The following ARHGAP35 variants were observed in gnomAD, a reference collection of about 807,000 sequenced individuals.
ARHGAP35 encodes rho GTPase-activating protein 35.
Under a neutral mutation model 111.1 loss-of-function variants are expected in ARHGAP35, and 15 were observed. The ratio of observed to expected loss-of-function variants is 0.13; its 90% CI spans 0.09 to 0.21. The LOEUF (loss-of-function observed/expected upper bound fraction) is 0.21, where lower values mean the gene tolerates loss of function less well. Among genes scored for constraint, ARHGAP35 ranks in the 10% least tolerant of loss-of-function variants. ARHGAP35 has a pLI of 1.00. For synonymous variants in ARHGAP35, 643 were observed against 710.3 expected, an observed-to-expected ratio of 0.91 and a Z score of 1.51; for missense variants, 1,262 against 1,873.0, an observed-to-expected ratio of 0.67 and a Z score of 6.02.
In ARHGAP35 at chr19:46,921,550, G is replaced by A. The variant is rs754137647; in HGVS notation, c.2875G>A (p.Glu959Lys). The change falls in exon 2 of 7, where the codon GAG becomes AAG. Residue 959 changes from glutamate to lysine, a missense_variant. Coordinates refer to ENST00000672722, the MANE Select transcript of ARHGAP35 (RefSeq NM_004491.5). This position sits in a 1 kb window ranked among gnomAD's most constrained non-coding sequence, Gnocchi z 4.3. The stretch of plus-strand genomic sequence containing the variant: ...TACTCATATGTACGATAATGCTGCC[G>A]AGGCCTGTAGCACCACCGAAGAGGT... Reference protein sequence around the residue: ...EATHMYDNAAEACSTTEEVFN... With the variant: ...EATHMYDNAAKACSTTEEVFN... 7 of 1,613,916 alleles carry A rather than the reference G, an allele frequency of 4.3e-6. No homozygotes were observed. Among genetic ancestry groups the A allele is most frequent in the Admixed American group, 3.3e-5 (2 of 60,016 alleles).
Position 47,001,362 on chromosome 19 carries a change from CAAAG to C in ARHGAP35, c.*675_*678del, listed in dbSNP as rs1435497243. ...CCTTCCCGAAACATTCCCTGGCAAA[CAAAG>C]GAACACTAGGAGAAAAAATGGAAAA... On this transcript the variant is annotated 3_prime_UTR_variant, in exon 7 of 7. Transcript: ENST00000672722. The surrounding 1 kb of genome is among the most constrained non-coding windows in gnomAD (Gnocchi z 5.4). The C allele has an allele frequency of 7.8e-7, 1 of 1,290,084 alleles. No homozygotes were observed. The highest frequency in any genetic ancestry group is 1.2e-5 in the South Asian group (1 of 81,032). 79.9% of individuals were successfully genotyped at this position (1,290,084 alleles called of 1,614,324 possible).
At chr19:46,861,891 A>C (rs1050485647) in intron 1 of ARHGAP35, among the ~76,000 whole-genome samples, 14 of 147,472 alleles carry the variant, frequency 9.5e-5, no homozygotes, top group African/African-American at 3.6e-4. Context: ...CCTTGGACTG[A>C]ATCCCGTTCC....
intron 1 of ARHGAP35, among the ~76,000 whole-genome samples, chr19:46,865,262 A>G (rs568148172): frequency 2.0e-5 from 3 of 152,302 alleles, no homozygotes; most frequent in African/African-American, 7.2e-5. Context: ...ACATGTTTTC[A>G]AGGGCTCTTG....
In ARHGAP35 at chr19:46,999,798, A is replaced by C. The variant is rs578239037; in HGVS notation, c.4142+389A>C. 10 of 230,118 alleles carry C rather than the reference A, an allele frequency of 4.3e-5. No homozygotes were observed. The South Asian group carries it at 1.1e-3, about 24-fold the overall frequency. 14.3% of individuals were successfully genotyped at this position (230,118 alleles called of 1,614,324 possible). A position where few individuals can be genotyped will look rare whatever the true frequency, so the allele number is the denominator to read the frequency against. On this transcript the variant is annotated intron_variant, in intron 6 of 6. Transcript: ENST00000672722. The surrounding 1 kb of genome is among the most constrained non-coding windows in gnomAD (Gnocchi z 5.4). ...ATCAAAAACACCTCAGAGTCCCTGA[A>C]AGTCCTCTCACAGCATTCACGTTCC...
chr19:46,974,763 C>A (rs2122301863), intron 3 of ARHGAP35, among the ~76,000 whole-genome samples: 1 of 152,220 alleles, frequency 6.6e-6, no homozygotes. Flanking sequence ...GCTGACAGTT[C>A]CAACCCTCTA....
chr19:46,952,633 C>G (rs998877676), intron 3 of ARHGAP35, among the ~76,000 whole-genome samples: 1 of 152,172 alleles, frequency 6.6e-6, no homozygotes. Context: ...TAATAATGCC[C>G]ACCTTATTAG....
At position 46,995,877 on chromosome 19, in the gene ARHGAP35, G is replaced by T. The variant is rs188822473; in HGVS notation, c.4037-3427G>T. Among the ~76,000 whole-genome samples the T allele has an allele frequency of 4.6e-4, 70 of 152,338 alleles. 1 individual carries two copies. Among genetic ancestry groups the T allele is most frequent in the Admixed American group, 2.8e-3 (43 of 15,306 alleles). On this transcript the variant is annotated intron_variant, in intron 5 of 6. Transcript: ENST00000672722. Reference sequence around the variant, plus strand: ...GGGCTGAGTCAAAGGATGTTCACAAGGTCGACCTTGCTTTTAGTGTGGGCC... The same window carrying T: ...GGGCTGAGTCAAAGGATGTTCACAATGTCGACCTTGCTTTTAGTGTGGGCC...
At chr19:46,923,953 G>GTA (rs2056223935) in intron 2 of ARHGAP35, among the ~76,000 whole-genome samples, 2 of 150,936 alleles carry the variant, frequency 1.3e-5, no homozygotes, top group African/African-American at 4.9e-5. Flanking sequence ...AAAAAAATGT[G>GTA]TATATATATA....
At chr19:46,888,260 TAATATATA>T (rs2056003071) in intron 1 of ARHGAP35, among the ~76,000 whole-genome samples, 4 of 53,090 alleles carry the variant, frequency 7.5e-5, no homozygotes, top group Admixed American at 6.1e-4. Context: ...CCTCAATCAA[TAATATATA>T]TATATATATA....
intron 5 of ARHGAP35, among the ~76,000 whole-genome samples, chr19:46,998,050 C>T (rs148776997): frequency 2.6e-5 from 4 of 151,678 alleles, no homozygotes; most frequent in South Asian, 2.1e-4. Context: ...TGCAGTGAGC[C>T]GACATCGCAC....
intron 3 of ARHGAP35, among the ~76,000 whole-genome samples, chr19:46,954,949 G>T (rs1240762021): frequency 6.6e-6 from 1 of 152,144 alleles, no homozygotes; most frequent in Middle Eastern, 3.2e-3. Flanking sequence ...CTGGGGCTGG[G>T]CTATCTGTGG....
chr19:46,893,410 G>A (rs2056036085), intron 1 of ARHGAP35, among the ~76,000 whole-genome samples: 2 of 152,038 alleles, frequency 1.3e-5, no homozygotes, highest in Non-Finnish European at 2.9e-5. Context: ...GAATATAGTA[G>A]GTTGCCACCA....
rs888449332 is a variant in ARHGAP35 at position 46,901,570 on chromosome 19, A to G, written c.-188-16918A>G. ...TTAGACTCTGTCTCACACAAAAAAA[A>G]TGATCAAATCTGTTCTTTAAAAGAT... On this transcript the variant is annotated intron_variant, in intron 1 of 6. Transcript: ENST00000672722. This position sits in a 1 kb window ranked among gnomAD's most constrained non-coding sequence, Gnocchi z 4.5. 3.3e-5 allele frequency among the ~76,000 whole-genome samples: 5 copies of G among 152,210 alleles called. No individual in the cohort carries two copies. The highest frequency in any genetic ancestry group is 7.3e-5 in the Non-Finnish European group (5 of 68,028).
intron 1 of ARHGAP35, among the ~76,000 whole-genome samples, chr19:46,898,905 T>G (rs1295138614): frequency 1.1e-4 from 16 of 152,112 alleles, no homozygotes; most frequent in Non-Finnish European, 2.4e-4. Flanking sequence ...GCCTGCATTC[T>G]TCCATAGTTG....
intron 1 of ARHGAP35, among the ~76,000 whole-genome samples, chr19:46,886,448 T>C (rs532390164): frequency 2.0e-5 from 3 of 152,294 alleles, no homozygotes; most frequent in African/African-American, 7.2e-5. Flanking sequence ...CTGTGCTCTT[T>C]ATGTATTTGT....
intron 3 of ARHGAP35, chr19:46,947,657 G>T (rs750208420): frequency 6.6e-6 from 1 of 152,066 alleles, no homozygotes; most frequent in Non-Finnish European, 1.5e-5. Flanking sequence ...GGTGTCCTCC[G>T]GTTCAATTCC....
chr19:46,959,066 C>CT (rs1442659611), intron 3 of ARHGAP35, among the ~76,000 whole-genome samples: 3 of 151,992 alleles, frequency 2.0e-5, no homozygotes, highest in Middle Eastern at 3.2e-3. Context: ...GGAAAATCTC[C>CT]TTTTTTAAAA....
intron 3 of ARHGAP35, among the ~76,000 whole-genome samples, chr19:46,944,855 C>T (rs977884728): frequency 6.6e-6 from 1 of 152,176 alleles, no homozygotes; most frequent in Non-Finnish European, 1.5e-5. Context: ...CAGGTTAGCT[C>T]CTACATTGTG....
chr19:46,966,032 A>C (rs2056513288), intron 3 of ARHGAP35, among the ~76,000 whole-genome samples: 1 of 152,120 alleles, frequency 6.6e-6, no homozygotes, highest in Non-Finnish European at 1.5e-5. Context: ...GGAAACCCTC[A>C]GTCTCCCCAG....
Sources: allele counts gnomAD v4.1 joint callset (sites outside exome capture counted in the v4.1 genomes callset), GRCh38; gene constraint gnomAD v4.1.1; non-coding constraint Gnocchi (gnomAD v3.1); transcripts MANE v1.5; gene names NCBI Gene and HGNC (gene_info 2026-07-23, HGNC 2026-07-21).